SNX24: variants seen among roughly 807,000 people sequenced by gnomAD.
The protein encoded by SNX24 is sorting nexin 24.
In SNX24, 22 loss-of-function variants were observed where a neutral mutation model predicts 28.7. The ratio of observed to expected loss-of-function variants is 0.77; its 90% CI spans 0.55 to 1.10. The LOEUF (loss-of-function observed/expected upper bound fraction) is 1.10. Among genes scored for constraint, SNX24 ranks in the 50% least tolerant of loss-of-function variants. The pLI is 0.00. For synonymous variants in SNX24, 69 were observed against 71.5 expected (o/e 0.96, Z 0.18); for missense variants, 221 against 201.1 (o/e 1.10, Z -0.60).
At chr5:122,954,197 C>A (rs371883420) in intron 3 of SNX24, among the ~76,000 whole-genome samples, 6,424 of 150,718 alleles carry the variant, frequency 0.043, 142 homozygotes, top group Middle Eastern at 0.056. Flanking sequence ...TTCTCTCTCT[C>A]TATATATATA....
chr5:122,952,246 C>T (rs1284532842), intron 3 of SNX24, among the ~76,000 whole-genome samples: 1 of 152,186 alleles, frequency 6.6e-6, no homozygotes, highest in Non-Finnish European at 1.5e-5. Context: ...GCAATGTCTG[C>T]ATGGAACACA....
rs1581862259 is a variant in SNX24 at position 123,008,727 on chromosome 5, C to G, written c.*978C>G. On this transcript the variant is annotated 3_prime_UTR_variant, in exon 7 of 7. Transcript: ENST00000261369. Reference sequence around the variant, plus strand: ...GTGCATTCATTTTAGGTGGGATCGCCACAGGATTTCATGTTATTTTCCTTA... The same window carrying G: ...GTGCATTCATTTTAGGTGGGATCGCGACAGGATTTCATGTTATTTTCCTTA... 2.6e-6 allele frequency: 1 copy of G among 389,418 alleles called. No homozygotes were observed. 24.1% of individuals were successfully genotyped at this position (389,418 alleles called of 1,614,324 possible).
intron 3 of SNX24, among the ~76,000 whole-genome samples, chr5:122,958,723 A>AG (rs1760328789): frequency 6.6e-6 from 1 of 151,062 alleles, no homozygotes; most frequent in African/African-American, 2.4e-5. Flanking sequence ...TAATTTTTAA[A>AG]TTTTTTTTGT....
intron 3 of SNX24, among the ~76,000 whole-genome samples, chr5:122,951,033 C>T (rs1295250042): frequency 7.9e-5 from 12 of 151,878 alleles, no homozygotes; most frequent in Admixed American, 1.3e-4. Flanking sequence ...TTTGGGAGGC[C>T]GAGGCGGGCG....
At chr5:122,852,878 C>T (rs988728817) in intron 1 of SNX24, among the ~76,000 whole-genome samples, 1 of 152,070 alleles carries the variant, frequency 6.6e-6, no homozygotes, top group Non-Finnish European at 1.5e-5. Flanking sequence ...TAGTCCATTC[C>T]TGTCACCAAA....
intron 3 of SNX24, among the ~76,000 whole-genome samples, chr5:122,993,067 AG>A (rs1208067502): frequency 1.3e-5 from 2 of 151,480 alleles, no homozygotes; most frequent in Non-Finnish European, 2.9e-5. Flanking sequence ...CGTTTAGTGC[AG>A]GTCCTCAGAT....
chr5:122,878,238 T>C (rs1213743497), intron 1 of SNX24, among the ~76,000 whole-genome samples: 2 of 152,144 alleles, frequency 1.3e-5, no homozygotes, highest in Non-Finnish European at 2.9e-5. Flanking sequence ...CTTCCAAGTG[T>C]CTGGTTGGTG....
At chr5:122,926,616 T>C in intron 1 of SNX24, among the ~76,000 whole-genome samples, 1 of 152,160 alleles carries the variant, frequency 6.6e-6, no homozygotes, top group East Asian at 1.9e-4. Context: ...AAGCCTAACC[T>C]CAGATCTGAA....
intron 1 of SNX24, among the ~76,000 whole-genome samples, chr5:122,872,004 C>A (rs1373447720): frequency 6.6e-6 from 1 of 151,582 alleles, no homozygotes; most frequent in Admixed American, 6.6e-5. Context: ...ATCATCATAC[C>A]AGGCACAAAG....
intron 1 of SNX24, among the ~76,000 whole-genome samples, chr5:122,847,141 T>G (rs907347973): frequency 2.0e-5 from 3 of 152,138 alleles, no homozygotes; most frequent in African/African-American, 7.2e-5. Flanking sequence ...AGGCGTTGGC[T>G]TTCAAAGAAA....
chr5:122,973,184 A>G (rs1813477), intron 3 of SNX24, among the ~76,000 whole-genome samples: 20,080 of 152,108 alleles, frequency 0.13, 1,624 homozygotes, highest in East Asian at 0.36. Context: ...TCTTCCCCAG[A>G]TTTCTTTGTC....
At chr5:122,856,456 T>C (rs2150036557) in intron 1 of SNX24, among the ~76,000 whole-genome samples, 1 of 152,098 alleles carries the variant, frequency 6.6e-6, no homozygotes, top group African/African-American at 2.4e-5. Flanking sequence ...GGCTTTATGG[T>C]AGAATGATTT....
At chr5:122,913,729 A>G (rs998052656) in intron 1 of SNX24, among the ~76,000 whole-genome samples, 5 of 151,974 alleles carry the variant, frequency 3.3e-5, no homozygotes, top group African/African-American at 1.2e-4. Flanking sequence ...AGAGGCTGCA[A>G]TCTCGGCACT....
At chr5:123,012,015 TAGTG>T (rs1464224437), downstream of SNX24, among the ~76,000 whole-genome samples, 15 of 152,156 alleles carry the variant, frequency 9.9e-5, no homozygotes, top group African/African-American at 1.4e-4. Flanking sequence ...GTTCTTATGA[TAGTG>T]AGTGAGTGCT....
At chr5:122,858,336 C>T (rs778643121) in intron 1 of SNX24, among the ~76,000 whole-genome samples, 8 of 152,120 alleles carry the variant, frequency 5.3e-5, no homozygotes, top group Non-Finnish European at 8.8e-5. Flanking sequence ...AAAATGCCGC[C>T]GATAGGCTTG....
Position 123,009,187 on chromosome 5 carries a change from T to G in SNX24, c.*1438T>G. ...ATGTTATTAGCTATTTGGAGTTAAA[T>G]AAAAACAGAACAAGGAAACATTTGA... is the stretch of plus-strand genomic sequence containing the variant. On this transcript the variant is annotated 3_prime_UTR_variant, in exon 7 of 7. Coordinates refer to ENST00000261369, the MANE Select transcript of SNX24 (RefSeq NM_014035.4). The G allele has an allele frequency of 1.0e-6, 1 of 984,844 alleles. No individual in the cohort carries two copies. The highest frequency in any genetic ancestry group is 1.2e-6 in the Non-Finnish European group (1 of 829,142). 61.0% of individuals were successfully genotyped at this position (984,844 alleles called of 1,614,324 possible).
At chr5:122,916,210 T>G (rs1315660559) in intron 1 of SNX24, among the ~76,000 whole-genome samples, 1 of 152,226 alleles carries the variant, frequency 6.6e-6, no homozygotes, top group Non-Finnish European at 1.5e-5. Flanking sequence ...CTGTATCTGG[T>G]TTTTGTTTCA....
chr5:122,939,467 G>T (rs1483135336), intron 2 of SNX24, among the ~76,000 whole-genome samples: 1 of 152,116 alleles, frequency 6.6e-6, no homozygotes, highest in Non-Finnish European at 1.5e-5. Context: ...TACAATATTA[G>T]CCATTTGCTG....
chr5:122,981,765 C>T (rs959443745), intron 3 of SNX24, among the ~76,000 whole-genome samples: 7 of 152,346 alleles, frequency 4.6e-5, no homozygotes, highest in African/African-American at 1.7e-4. Flanking sequence ...GCAACCTCTG[C>T]CTCCCGGGCT....
Sources: gnomAD v4.1 joint callset for allele counts (sites outside exome capture counted in the v4.1 genomes callset) on GRCh38, gnomAD v4.1.1 for gene constraint, MANE v1.5 for transcripts, NCBI Gene and HGNC (gene_info 2026-07-23, HGNC 2026-07-21) for gene names.